Variants in ASCC2 observed in about 807,000 individuals in gnomAD.
ASCC2 encodes activating signal cointegrator 1 complex subunit 2, also known as ASC-1 complex subunit P100.
Under a neutral mutation model 93.5 loss-of-function variants are expected in ASCC2, and 42 were observed. The observed-to-expected ratio is 0.45, with a 90% CI of 0.35 to 0.58. ASCC2 has a LOEUF of 0.58. ASCC2 is among the 20% of genes least tolerant of loss of function. The probability of loss-of-function intolerance (pLI) is 0.00; values close to 1 mark genes in which losing one functional copy is unlikely to be tolerated. For missense variants in ASCC2, 859 were observed against 977.6 expected (o/e 0.88, Z 1.62); for synonymous variants, 364 against 384.2 (o/e 0.95, Z 0.62).
chr22:29,814,811 G>A lies in ASCC2; in HGVS notation c.610-44C>T, dbSNP rs772438827. The A allele has an allele frequency of 9.9e-6, 15 of 1,521,360 alleles. No individual in the cohort carries two copies. In the African/African-American group the frequency reaches 1.5e-4, roughly 16 times the overall value. The allele number at this position is 1,521,360 out of a possible 1,614,324, so 94.2% of individuals were successfully genotyped here. ...GGCTCTCTCACATCATACTGAACCA[G>A]GGCTAGGACCCCTGGCAGCAGCCAG... On this transcript the variant is annotated intron_variant, in intron 6 of 19. Coordinates refer to ENST00000307790, the MANE Select transcript of ASCC2 (RefSeq NM_032204.5).
intron 1 of ASCC2, chr22:29,833,440 A>G: frequency 2.8e-6 from 1 of 362,668 alleles, no homozygotes; most frequent in Non-Finnish European, 5.4e-6. Flanking sequence ...AAGGACATGG[A>G]AGAAGGGAAG....
chr22:29,816,168 C>T, intron 5 of ASCC2, 95 bp from the exon 6 acceptor site: 2 of 1,019,256 alleles, frequency 2.0e-6, no homozygotes, highest in South Asian at 2.8e-5. Flanking sequence ...AGGTCTGTGA[C>T]CTTTCTCCCT....
At chr22:29,813,019 A>C (rs1378331018) in intron 8 of ASCC2, among the ~76,000 whole-genome samples, 1 of 151,898 alleles carries the variant, frequency 6.6e-6, no homozygotes, top group African/African-American at 2.4e-5. Flanking sequence ...GTAGCTGGGA[A>C]TACAGGTGCA....
chr22:29,797,647 T>C (rs980836877), intron 15 of ASCC2, among the ~76,000 whole-genome samples: 6 of 152,230 alleles, frequency 3.9e-5, no homozygotes, highest in Non-Finnish European at 8.8e-5. Context: ...GATCCAGCAC[T>C]TTCTGGGCTC....
At chr22:29,791,455 G>A (rs1044288129) in intron 18 of ASCC2, among the ~76,000 whole-genome samples, 1 of 152,170 alleles carries the variant, frequency 6.6e-6, no homozygotes, top group African/African-American at 2.4e-5. Context: ...CGAGGCAGGT[G>A]GATCACCTGA....
intron 8 of ASCC2, 118 bp from the exon 9 acceptor site, chr22:29,808,303 T>G: frequency 9.6e-7 from 1 of 1,044,280 alleles, no homozygotes; most frequent in Non-Finnish European, 1.4e-6. Flanking sequence ...CACAATTTTC[T>G]CCAGGGACCC....
At position 29,822,387 on chromosome 22, in the gene ASCC2, G is replaced by A. The variant is rs111621617; in HGVS notation, c.489C>T (p.Asp163=). Residue 163 remains aspartate, a synonymous_variant, in exon 5 of 20, where the codon GAC becomes GAT. Transcript: ENST00000307790. ...NFLFDIPKIL[D]LCVLFGKGNS... is the part of the protein sequence containing the mutation. ...TGCCTTTTCCAAAGAGCACGCAGAG[G>A]TCCAGGATCTTTGGAATGTCAAAGA... The A allele has an allele frequency of 6.2e-7, 1 of 1,614,088 alleles. No individual in the cohort carries two copies.
At position 29,801,065 on chromosome 22, in the gene ASCC2, G is replaced by A. The variant is rs764139582; in HGVS notation, c.1614C>T (p.Asn538=). 1.9e-5 allele frequency: 31 copies of A among 1,609,186 alleles called. No individual in the cohort carries two copies. The South Asian group carries it at 2.1e-4, about 11-fold the overall frequency. Residue 538 remains asparagine, a synonymous_variant, in exon 15 of 20, where the codon AAC becomes AAT. Coordinates refer to ENST00000307790, the MANE Select transcript of ASCC2 (RefSeq NM_032204.5). ...CATCAAACTCGTCATTCTGGAAGAC[G>A]TTGTGGCGAGACGTCAGCAGGGGTG... is the stretch of plus-strand genomic sequence containing the variant. ...DPTPLLTSRH[N]VFQNDEFDVF... is the part of the protein sequence containing the mutation.
chr22:29,793,110 T>C (rs2057975612), intron 17 of ASCC2, among the ~76,000 whole-genome samples: 2 of 152,100 alleles, frequency 1.3e-5, no homozygotes, highest in South Asian at 4.1e-4. Flanking sequence ...CATGATTCCA[T>C]CACCGCACTC....
chr22:29,836,095 G>C (rs1319727764), intron 1 of ASCC2, among the ~76,000 whole-genome samples: 1 of 152,104 alleles, frequency 6.6e-6, no homozygotes, highest in Non-Finnish European at 1.5e-5. Context: ...AGGAGATTGA[G>C]GTTGCAATGA....
At position 29,825,482 on chromosome 22, in the gene ASCC2, C is replaced by A; in HGVS notation, c.240+140G>T. ...AGATTGTGATACAAGACAGAGCAAT[C>A]CGAACCACAATTTGCTGTTAAGGAT... On this transcript the variant is annotated intron_variant, in intron 3 of 19. Transcript: ENST00000307790. The surrounding 1 kb of genome is among the most constrained non-coding windows in gnomAD (Gnocchi z 4.9). The A allele has an allele frequency of 7.8e-7, 1 of 1,286,584 alleles. No individual in the cohort carries two copies. The highest frequency in any genetic ancestry group is 1.3e-5 in the South Asian group (1 of 75,510). The allele number at this position is 1,286,584 out of a possible 1,614,324, so 79.7% of individuals were successfully genotyped here. A position where few individuals can be genotyped will look rare whatever the true frequency, so the allele number is the denominator to read the frequency against.
At chr22:29,797,224 T>C (rs2058548864) in intron 15 of ASCC2, among the ~76,000 whole-genome samples, 1 of 152,188 alleles carries the variant, frequency 6.6e-6, no homozygotes, top group Non-Finnish European at 1.5e-5. Flanking sequence ...AGCAGGTAGC[T>C]TCCTCAGCCT....
chr22:29,806,958 G>C (rs762831500), intron 9 of ASCC2, 54 bp from the exon 10 acceptor site: 8 of 1,400,672 alleles, frequency 5.7e-6, no homozygotes, highest in African/African-American at 1.4e-5. Context: ...GCCCTGAGGG[G>C]CCAGGTGCAG....
chr22:29,834,456 T>C (rs1309498670), intron 1 of ASCC2: 2 of 469,870 alleles, frequency 4.3e-6, no homozygotes. Context: ...GAAGGAGTAA[T>C]AAGAGAGGAC....
intron 1 of ASCC2, chr22:29,833,664 G>GT (rs1374447421): frequency 2.1e-6 from 1 of 468,680 alleles, no homozygotes; most frequent in Non-Finnish European, 4.4e-6. Context: ...GAATAGAAGT[G>GT]TATTAGGCCC....
intron 2 of ASCC2, among the ~76,000 whole-genome samples, chr22:29,831,214 C>G (rs867400421): frequency 3.3e-5 from 5 of 152,124 alleles, no homozygotes; most frequent in Admixed American, 2.0e-4. Flanking sequence ...AAATATCTCC[C>G]ACACATAAAA....
chr22:29,806,391 A>G (rs1420294622), intron 11 of ASCC2, 94 bp downstream of exon 11: 11 of 1,568,812 alleles, frequency 7.0e-6, no homozygotes, highest in Non-Finnish European at 9.6e-6. Flanking sequence ...ACCTTATTAG[A>G]GCTGTGGTGG....
chr22:29,834,257 G>T (rs1173048184), intron 1 of ASCC2: 3 of 259,160 alleles, frequency 1.2e-5, no homozygotes, highest in Non-Finnish European at 2.3e-5. Flanking sequence ...ACGGGGTGAA[G>T]GGGTGGAGTG....
Position 29,826,996 on chromosome 22 carries a change from G to A in ASCC2, c.82-1216C>T, listed in dbSNP as rs550402106. Among the ~76,000 whole-genome samples, 3 of 151,012 alleles carry A rather than the reference G, an allele frequency of 2.0e-5. No individual in the cohort carries two copies. The East Asian group carries it at 5.9e-4, about 30-fold the overall frequency. Reference sequence around the variant, plus strand: ...GCCTGTAGTCCCAGCTACTCGGGAGGCTGAGGCAGAAGAACGGCGTGAACC... The same window carrying A: ...GCCTGTAGTCCCAGCTACTCGGGAGACTGAGGCAGAAGAACGGCGTGAACC... On this transcript the variant is annotated intron_variant, in intron 2 of 19. Coordinates refer to ENST00000307790, the MANE Select transcript of ASCC2 (RefSeq NM_032204.5).
Sources: gnomAD v4.1 joint callset for allele counts (sites outside exome capture counted in the v4.1 genomes callset) on GRCh38, gnomAD v4.1.1 for gene constraint, Gnocchi (gnomAD v3.1) non-coding constraint, MANE v1.5 for transcripts, NCBI Gene and HGNC (gene_info 2026-07-23, HGNC 2026-07-21) for gene names.